Variants in SPATA6 observed in about 807,000 individuals in gnomAD.
SPATA6 encodes spermatogenesis-associated protein 6.
SPATA6 carries 56 observed loss-of-function variants against 65.3 expected under a neutral mutation model. The observed-to-expected ratio is 0.86, with a 90% CI of 0.69 to 1.07. The LOEUF is 1.07. Among genes scored for constraint, SPATA6 ranks in the 50% least tolerant of loss-of-function variants. The pLI is 0.00. For synonymous variants in SPATA6, 199 were observed against 213.2 expected, an observed-to-expected ratio of 0.93 and a Z score of 0.58; for missense variants, 590 against 594.8, an observed-to-expected ratio of 0.99 and a Z score of 0.08.
chr1:48,341,766 CTA>C (rs1646222123), intron 11 of SPATA6, among the ~76,000 whole-genome samples: 1 of 152,138 alleles, frequency 6.6e-6, no homozygotes, highest in Non-Finnish European at 1.5e-5. Context: ...ACACTTCAAA[CTA>C]TAAAAAGTTA....
At chr1:48,384,998 A>T (rs979124792) in intron 9 of SPATA6, among the ~76,000 whole-genome samples, 5 of 152,220 alleles carry the variant, frequency 3.3e-5, no homozygotes, top group Non-Finnish European at 5.9e-5. Flanking sequence ...TGAAATTTGG[A>T]AATAATACCA....
At chr1:48,308,605 A>G (rs900076714) in intron 11 of SPATA6, among the ~76,000 whole-genome samples, 1 of 152,080 alleles carries the variant, frequency 6.6e-6, no homozygotes, top group African/African-American at 2.4e-5. Flanking sequence ...CATCCTGAAG[A>G]GCTCCTTTTA....
downstream of SPATA6, among the ~76,000 whole-genome samples, chr1:48,293,523 T>C (rs1055875638): frequency 2.0e-5 from 3 of 152,270 alleles, no homozygotes; most frequent in Non-Finnish European, 1.5e-5. Context: ...TACTCTACCA[T>C]CTTGTTGGTA....
rs138112098 is a variant in SPATA6 at position 48,436,952 on chromosome 1, G to A, written c.238+14600C>T. On this transcript the variant is annotated intron_variant, in intron 3 of 12. Coordinates refer to ENST00000371847, the MANE Select transcript of SPATA6 (RefSeq NM_019073.4). Reference sequence around the variant, plus strand: ...GGAACTCACACAGTAAATAGTGACCGATTACACACACCATCCTCAAAAACT... The same window carrying A: ...GGAACTCACACAGTAAATAGTGACCAATTACACACACCATCCTCAAAAACT... 1.7e-3 allele frequency: 2,771 copies of A among 1,612,908 alleles called. 40 individuals carry two copies. The African/African-American group carries it at 0.033, about 19-fold the overall frequency.
downstream of SPATA6, among the ~76,000 whole-genome samples, chr1:48,292,399 G>C (rs1175208603): frequency 6.6e-6 from 1 of 152,244 alleles, no homozygotes; most frequent in Admixed American, 6.5e-5. Flanking sequence ...TGGGGGTTTT[G>C]TGGTGCCCAT....
intron 3 of SPATA6, among the ~76,000 whole-genome samples, chr1:48,429,052 C>A (rs1450146288): frequency 6.6e-6 from 1 of 151,602 alleles, no homozygotes; most frequent in Non-Finnish European, 1.5e-5. Context: ...TAACAGCTAC[C>A]CAACCCTCAA....
intron 11 of SPATA6, among the ~76,000 whole-genome samples, chr1:48,355,126 G>C (rs1570267874): frequency 1.3e-5 from 2 of 152,136 alleles, no homozygotes; most frequent in East Asian, 3.9e-4. Flanking sequence ...TTATTTCCCA[G>C]CTGTCATTTA....
At chr1:48,263,928 G>GT in the SPATA6 span, among the ~76,000 whole-genome samples, 1 of 152,088 alleles carries the variant, frequency 6.6e-6, no homozygotes, top group Non-Finnish European at 1.5e-5. Flanking sequence ...CTGGGCTCAG[G>GT]TGATCCCTCC....
chr1:48,413,396 T>C (rs1652454430), intron 3 of SPATA6, among the ~76,000 whole-genome samples: 1 of 148,416 alleles, frequency 6.7e-6, no homozygotes, highest in Admixed American at 6.8e-5. Flanking sequence ...TTCGAGCAAT[T>C]CCCCTGCCTC....
At chr1:48,359,016 G>A (rs988653220) in intron 10 of SPATA6, among the ~76,000 whole-genome samples, 11 of 152,022 alleles carry the variant, frequency 7.2e-5, no homozygotes, top group African/African-American at 1.2e-4. Flanking sequence ...TAGTGACAGA[G>A]GCAAGGAATT....
rs371782754 is a variant in SPATA6 at position 48,399,444 on chromosome 1, T to C, written c.687A>G (p.Leu229=). ...SPYTKRRMCE[L]SEDTRRRLAH... ...CCAGCCGCCGCCTGGTGTCTTCAGATAGCTCACACATGCGTCTTTTTGTGT... is the reference window on the plus strand; with the variant it reads ...CCAGCCGCCGCCTGGTGTCTTCAGACAGCTCACACATGCGTCTTTTTGTGT... Residue 229 remains leucine, a synonymous_variant, in exon 7 of 13, where the codon CTA becomes CTG. Transcript: ENST00000371847. 7 of 1,613,102 alleles carry C rather than the reference T, an allele frequency of 4.3e-6. No homozygotes were observed. The African/African-American group carries it at 5.3e-5, about 12-fold the overall frequency.
chr1:48,347,467 T>C (rs996556125), intron 11 of SPATA6, among the ~76,000 whole-genome samples: 58 of 147,204 alleles, frequency 3.9e-4, no homozygotes, highest in Middle Eastern at 3.6e-3. Context: ...GTATATATAA[T>C]ATAATATATA....
At chr1:48,409,155 A>AC (rs1378179682) in intron 5 of SPATA6, among the ~76,000 whole-genome samples, 7 of 152,222 alleles carry the variant, frequency 4.6e-5, no homozygotes, top group African/African-American at 1.7e-4. Flanking sequence ...CCTAGATACA[A>AC]CGGGGGTATA....
At chr1:48,311,803 G>C (rs556439378) in intron 11 of SPATA6, among the ~76,000 whole-genome samples, 1 of 152,212 alleles carries the variant, frequency 6.6e-6, no homozygotes, top group Non-Finnish European at 1.5e-5. Flanking sequence ...AGGGGTGAGG[G>C]AATTCCCTTT....
chr1:48,367,066 T>C (rs1268100596), intron 9 of SPATA6, among the ~76,000 whole-genome samples: 1 of 152,220 alleles, frequency 6.6e-6, no homozygotes, highest in East Asian at 1.9e-4. Context: ...CAGTAGTCAT[T>C]CAGGAGCAGG....
intron 11 of SPATA6, among the ~76,000 whole-genome samples, chr1:48,313,250 A>G (rs1301758292): frequency 6.6e-6 from 1 of 152,206 alleles, no homozygotes; most frequent in African/African-American, 2.4e-5. Context: ...TGTCAGATTC[A>G]CCAAAGTTTA....
chr1:48,279,368 T>C, the SPATA6 span, among the ~76,000 whole-genome samples: 2 of 152,156 alleles, frequency 1.3e-5, no homozygotes, highest in African/African-American at 4.8e-5. Context: ...AATGCTCCAA[T>C]TAAAAGACAC....
intron 3 of SPATA6, chr1:48,436,880 G>A (rs1890321): frequency 0.39 from 631,946 of 1,604,258 alleles, 130,553 homozygotes; most frequent in Non-Finnish European, 0.42. Flanking sequence ...AAAAATTCCC[G>A]GTCAGGTGTA....
At chr1:48,282,875 C>A in the SPATA6 span, among the ~76,000 whole-genome samples, 7 of 152,250 alleles carry the variant, frequency 4.6e-5, no homozygotes, top group East Asian at 5.8e-4. Flanking sequence ...TATAAAGACA[C>A]ATGCACACAT....
Sources: gnomAD v4.1 joint callset for allele counts (sites outside exome capture counted in the v4.1 genomes callset) on GRCh38, gnomAD v4.1.1 for gene constraint, MANE v1.5 for transcripts, NCBI Gene and HGNC (gene_info 2026-07-23, HGNC 2026-07-21) for gene names.